PNPLA7: variants seen among roughly 807,000 people sequenced by gnomAD.
PNPLA7 encodes the protein patatin like domain 7, lysophospholipase.
Under a neutral mutation model 161.7 loss-of-function variants are expected in PNPLA7, and 153 were observed. The ratio of observed to expected loss-of-function variants is 0.95; its 90% CI spans 0.83 to 1.08. The LOEUF (loss-of-function observed/expected upper bound fraction) is 1.08. PNPLA7 is among the 50% of genes least tolerant of loss of function. The probability of loss-of-function intolerance (pLI) is 0.00; values close to 1 mark genes in which losing one functional copy is unlikely to be tolerated. For missense variants in PNPLA7, 1,739 were observed against 1,856.6 expected (o/e 0.94, Z 1.16); for synonymous variants, 809 against 782.1 (o/e 1.03, Z -0.57).
chr9:137,511,749 G>A (rs1338221725), intron 12 of PNPLA7, among the ~76,000 whole-genome samples: 1 of 152,204 alleles, frequency 6.6e-6, no homozygotes, highest in African/African-American at 2.4e-5. Flanking sequence ...TTCATATTCC[G>A]CCTGTACACC....
In PNPLA7 at chr9:137,547,510, G is replaced by C. The variant is rs1836601710; in HGVS notation, c.105+75C>G. On this transcript the variant is annotated intron_variant, in intron 2 of 34. Coordinates refer to ENST00000406427, the MANE Select transcript of PNPLA7 (RefSeq NM_001098537.3). This position sits in a 1 kb window ranked among gnomAD's most constrained non-coding sequence, Gnocchi z 4.6. ...CACAGGCTGGGCAGGAATGAGCCAG[G>C]GGATGGGGACAGGGAGAGGTGAAAA... 2 of 1,594,978 alleles carry C rather than the reference G, an allele frequency of 1.3e-6. No homozygotes were observed. The highest frequency in any genetic ancestry group is 1.3e-5 in the African/African-American group (1 of 74,512).
chr9:137,532,493 AT>A (rs1318034869), intron 8 of PNPLA7, among the ~76,000 whole-genome samples: 4 of 152,340 alleles, frequency 2.6e-5, no homozygotes, highest in Non-Finnish European at 4.4e-5. Flanking sequence ...TGGAATATAC[AT>A]GCTTATCTCT....
At chr9:137,485,674 C>G (rs954992170) in intron 20 of PNPLA7, among the ~76,000 whole-genome samples, 1 of 152,240 alleles carries the variant, frequency 6.6e-6, no homozygotes, top group African/African-American at 2.4e-5. Flanking sequence ...ACAGCGCAGC[C>G]CTGGGAAGCC....
rs7857485 is a variant in PNPLA7 at position 137,498,570 on chromosome 9, T to C, written c.1758-325A>G. Among the ~76,000 whole-genome samples, 1,114 of 152,318 alleles carry C rather than the reference T, an allele frequency of 7.3e-3. 8 individuals carry two copies. Among genetic ancestry groups the C allele is most frequent in the African/African-American group, 0.026 (1,065 of 41,570 alleles). ...ACTGCACATGCCGTCAGGAGCTGCATAATGCACACTCGGGCCGTGGGTGTG... is the reference window on the plus strand; with the variant it reads ...ACTGCACATGCCGTCAGGAGCTGCACAATGCACACTCGGGCCGTGGGTGTG... On this transcript the variant is annotated intron_variant, in intron 16 of 34. Coordinates refer to ENST00000406427, the MANE Select transcript of PNPLA7 (RefSeq NM_001098537.3).
chr9:137,501,511 G>T, intron 15 of PNPLA7, 139 bp downstream of exon 15: 1 of 811,992 alleles, frequency 1.2e-6, no homozygotes. Flanking sequence ...GCTCTGCCAT[G>T]GTGCCCAGAG....
intron 8 of PNPLA7, among the ~76,000 whole-genome samples, chr9:137,536,122 C>T (rs1217731916): frequency 3.3e-5 from 5 of 149,360 alleles, no homozygotes; most frequent in Non-Finnish European, 7.4e-5. Context: ...CACTGCACTC[C>T]AGCCTGGGCG....
rs1831566292 is a variant in PNPLA7, at chr9:137,468,242, T to C, written c.2883-769A>G. Reference sequence around the variant, plus strand: ...GCCGGCACCCAGGGCCTCTAATTGCTACTGCTGCTTTCATACAGAATGTCC... The same window carrying C: ...GCCGGCACCCAGGGCCTCTAATTGCCACTGCTGCTTTCATACAGAATGTCC... On this transcript the variant is annotated intron_variant, in intron 25 of 34. Transcript: ENST00000406427. This position sits in a 1 kb window ranked among gnomAD's most constrained non-coding sequence, Gnocchi z 4.0. Among the ~76,000 whole-genome samples, 1 of 150,422 alleles carries C rather than the reference T, an allele frequency of 6.6e-6. No individual in the cohort carries two copies. Among genetic ancestry groups the C allele is most frequent in the Non-Finnish European group, 1.5e-5 (1 of 67,726 alleles).
At chr9:137,512,559 A>G (rs1834295925) in intron 12 of PNPLA7, among the ~76,000 whole-genome samples, 1 of 152,222 alleles carries the variant, frequency 6.6e-6, no homozygotes, top group Non-Finnish European at 1.5e-5. Flanking sequence ...CTGGTTCACA[A>G]GTGAGTTCAG....
In PNPLA7 at chr9:137,468,899, TA is replaced by T. The variant is rs558431741; in HGVS notation, c.2883-1427del. ...TTATGTTATGTATATTTTAACATAA[TA>T]AAAAAAACCATATGTAATACTGCCA... On this transcript the variant is annotated intron_variant, in intron 25 of 34. Coordinates refer to ENST00000406427, the MANE Select transcript of PNPLA7 (RefSeq NM_001098537.3). This position sits in a 1 kb window ranked among gnomAD's most constrained non-coding sequence, Gnocchi z 4.0. Among the ~76,000 whole-genome samples, 6 of 151,752 alleles carry T rather than the reference TA, an allele frequency of 4.0e-5. No homozygotes were observed. The highest frequency in any genetic ancestry group is 1.5e-4 in the African/African-American group (6 of 41,288).
intron 20 of PNPLA7, among the ~76,000 whole-genome samples, chr9:137,487,455 C>T (rs11137283): frequency 2.3e-3 from 349 of 152,316 alleles, no homozygotes; most frequent in Admixed American, 2.0e-3. Flanking sequence ...AAACCGGCAG[C>T]CCCAGTAAAG....
intron 1 of PNPLA7, among the ~76,000 whole-genome samples, chr9:137,548,621 G>A (rs2132675315): frequency 6.6e-6 from 1 of 152,320 alleles, no homozygotes; most frequent in African/African-American, 2.4e-5. Context: ...GGTGGTGGGT[G>A]CCTGTAGTCC....
Position 137,486,605 on chromosome 9 carries a change from TCGGCCCCCACCTC to T in PNPLA7, c.2198-1882_2198-1870del, listed in dbSNP as rs931697715. 4.6e-5 allele frequency among the ~76,000 whole-genome samples: 7 copies of T among 152,054 alleles called. No individual in the cohort carries two copies. Among genetic ancestry groups the T allele is most frequent in the African/African-American group, 1.4e-4 (6 of 41,402 alleles). On this transcript the variant is annotated intron_variant, in intron 20 of 34. Coordinates refer to ENST00000406427, the MANE Select transcript of PNPLA7 (RefSeq NM_001098537.3). This position sits in a 1 kb window ranked among gnomAD's most constrained non-coding sequence, Gnocchi z 6.0. ...CACAGCCCCAGATCCTCCCTCGGACTCGGCCCCCACCTCCGGCCCCAGGCTCCTACCCGACCCA... is the reference window on the plus strand; with the variant it reads ...CACAGCCCCAGATCCTCCCTCGGACTCGGCCCCAGGCTCCTACCCGACCCA...
At chr9:137,475,301 T>C (rs373107181) in intron 25 of PNPLA7, among the ~76,000 whole-genome samples, 7 of 152,282 alleles carry the variant, frequency 4.6e-5, no homozygotes, top group East Asian at 3.9e-4. Context: ...TGCTTGAAGC[T>C]GGGAGTTGAG....
At chr9:137,497,341 G>A (rs1440913072) in intron 17 of PNPLA7, 31 bp from the exon 18 acceptor site, 14 of 1,499,658 alleles carry the variant, frequency 9.3e-6, no homozygotes, top group Non-Finnish European at 9.0e-7. Flanking sequence ...CTGCAGCCCT[G>A]GGCCCCCAGC....
intron 25 of PNPLA7, among the ~76,000 whole-genome samples, chr9:137,474,619 C>A (rs1482942230): frequency 1.3e-5 from 2 of 152,134 alleles, no homozygotes; most frequent in Non-Finnish European, 2.9e-5. Flanking sequence ...TGAGAAAAAT[C>A]TTCCAGAAAG....
At chr9:137,508,660 T>C (rs943062202) in intron 12 of PNPLA7, 1 of 152,102 alleles carries the variant, frequency 6.6e-6, no homozygotes, top group African/African-American at 2.4e-5. Flanking sequence ...ATGGATCATA[T>C]GAAAGGTAAA....
intron 25 of PNPLA7, among the ~76,000 whole-genome samples, chr9:137,474,998 A>G (rs1831877538): frequency 7.1e-6 from 1 of 141,378 alleles, no homozygotes; most frequent in Admixed American, 7.1e-5. Flanking sequence ...GCGACAGAAC[A>G]AGACTCTGCC....
intron 12 of PNPLA7, chr9:137,509,505 G>A (rs546311733): frequency 1.2e-5 from 3 of 250,160 alleles, no homozygotes; most frequent in Admixed American, 4.8e-5. Flanking sequence ...GCCGGCGTGA[G>A]TGAGTTTAGC....
intron 17 of PNPLA7, 66 bp from the exon 18 acceptor site, chr9:137,497,376 A>C: frequency 1.5e-6 from 2 of 1,373,394 alleles, no homozygotes; most frequent in Non-Finnish European, 1.9e-6. Context: ...CCAGCTTCCC[A>C]ATGCCAGACA....
Sources: allele counts gnomAD v4.1 joint callset (sites outside exome capture counted in the v4.1 genomes callset), GRCh38; gene constraint gnomAD v4.1.1; non-coding constraint Gnocchi (gnomAD v3.1); transcripts MANE v1.5; gene names NCBI Gene and HGNC (gene_info 2026-07-23, HGNC 2026-07-21).